UNC13A: variants seen among roughly 807,000 people sequenced by gnomAD.
The protein encoded by UNC13A is protein unc-13 homolog A.
In UNC13A, 61 loss-of-function variants were observed where a neutral mutation model predicts 219.7. The observed-to-expected ratio is 0.28, with a 90% CI of 0.23 to 0.34. UNC13A has a LOEUF of 0.34. Ranked by LOEUF, UNC13A falls within the 10% of genes least tolerant of loss-of-function variation. The probability of loss-of-function intolerance (pLI) is 1.00; values close to 1 mark genes in which losing one functional copy is unlikely to be tolerated. For synonymous variants in UNC13A, 920 were observed against 884.6 expected (o/e 1.04, Z -0.71); for missense variants, 1,476 against 2,270.3 (o/e 0.65, Z 7.11).
intron 7 of UNC13A, among the ~76,000 whole-genome samples, chr19:17,664,294 T>G (rs935573851): frequency 5.3e-5 from 8 of 152,248 alleles, no homozygotes; most frequent in African/African-American, 1.9e-4. Flanking sequence ...TTGGGTGGAT[T>G]TTATCATTCT....
Position 17,649,690 on chromosome 19 carries a change from GGGTCCCTC to G in UNC13A, c.1440-111_1440-104del. 1 of 1,314,826 alleles carries G rather than the reference GGGTCCCTC, an allele frequency of 7.6e-7. No individual in the cohort carries two copies. The highest frequency in any genetic ancestry group is 1.1e-6 in the Non-Finnish European group (1 of 920,288). The allele number at this position is 1,314,826 out of a possible 1,614,324, so 81.4% of individuals were successfully genotyped here. A position where few individuals can be genotyped will look rare whatever the true frequency, so the allele number is the denominator to read the frequency against. ...CCCCCAGGTGTTAAGGGGTTGAATT[GGGTCCCTC>G]AAAAAAAAGATACGCTGATGCCCTA... is the stretch of plus-strand genomic sequence containing the variant. On this transcript the variant is annotated intron_variant, in intron 12 of 43. Coordinates refer to ENST00000519716, the MANE Select transcript of UNC13A (RefSeq NM_001080421.3). This position sits in a 1 kb window ranked among gnomAD's most constrained non-coding sequence, Gnocchi z 4.4.
rs760850502 is a variant in UNC13A at position 17,658,273 on chromosome 19, GAAGA to G, written c.560-8_560-5del. The G allele has an allele frequency of 6.2e-7, 1 of 1,609,770 alleles. No homozygotes were observed. Among genetic ancestry groups the G allele is most frequent in the Middle Eastern group, 1.7e-4 (1 of 6,058 alleles). ...ACTGCACTGTCGGGGTCATCGTCTGGAAGAGAGAGGCGGTATGGGAAGAGGGTGA... is the reference window on the plus strand; with the variant it reads ...ACTGCACTGTCGGGGTCATCGTCTGGGAGAGGCGGTATGGGAAGAGGGTGA... On this transcript the variant is annotated splice_polypyrimidine_tract_variant and splice_region_variant and intron_variant, in intron 8 of 43. Coordinates refer to ENST00000519716, the MANE Select transcript of UNC13A (RefSeq NM_001080421.3).
intron 23 of UNC13A, 41 bp downstream of exon 23, chr19:17,639,797 CAT>C (rs1334715904): frequency 4.4e-6 from 7 of 1,601,444 alleles, no homozygotes; most frequent in Non-Finnish European, 6.0e-6. Context: ...CAGGCACACA[CAT>C]GTGCGTGGGG....
rs2076505726 is a variant in UNC13A at position 17,604,979 on chromosome 19, G to T, written c.*1075C>A. Reference sequence around the variant, plus strand: ...AAGGAAGAAGGGATGGAGAAACCTGGGACCAGGGGATCCCAAATTCTCTTT... The same window carrying T: ...AAGGAAGAAGGGATGGAGAAACCTGTGACCAGGGGATCCCAAATTCTCTTT... On this transcript the variant is annotated 3_prime_UTR_variant, in exon 44 of 44. Coordinates refer to ENST00000519716, the MANE Select transcript of UNC13A (RefSeq NM_001080421.3). The T allele has an allele frequency of 6.6e-6, 1 of 152,654 alleles. No homozygotes were observed. Among genetic ancestry groups the T allele is most frequent in the Non-Finnish European group, 1.5e-5 (1 of 68,050 alleles). The allele number at this position is 152,654 out of a possible 1,614,324, so 9.5% of individuals were successfully genotyped here. A position where few individuals can be genotyped will look rare whatever the true frequency, so the allele number is the denominator to read the frequency against.
At chr19:17,684,279 G>A (rs1401254282) in intron 1 of UNC13A, among the ~76,000 whole-genome samples, 2 of 152,058 alleles carry the variant, frequency 1.3e-5, no homozygotes, top group Non-Finnish European at 2.9e-5. Context: ...GTAAATGGTG[G>A]TGGTGGAATC....
intron 7 of UNC13A, among the ~76,000 whole-genome samples, chr19:17,664,007 A>G (rs146320904): frequency 1.1e-4 from 17 of 150,370 alleles, no homozygotes; most frequent in Admixed American, 2.0e-4. Flanking sequence ...TTGTGTGGAG[A>G]TGGATCTTGC....
chr19:17,675,967 G>C, intron 2 of UNC13A, 45 bp downstream of exon 2: 1 of 1,550,056 alleles, frequency 6.5e-7, no homozygotes, highest in Non-Finnish European at 8.7e-7. Flanking sequence ...GAGACAGACA[G>C]ACAGACAGAC....
intron 1 of UNC13A, among the ~76,000 whole-genome samples, chr19:17,677,357 CTT>C (rs993666999): frequency 1.5e-5 from 1 of 67,030 alleles, no homozygotes; most frequent in Non-Finnish European, 2.9e-5. Context: ...TCTTTCTTTT[CTT>C]TTTTTTTTTC....
In UNC13A at chr19:17,639,534, A is replaced by G; in HGVS notation, c.2857-9T>C. ...CTGGCTGGGAAGTTATTCTGTTGGG[A>G]GCAGGAAGAGATGTGGGGTTATGGA... On this transcript the variant is annotated splice_polypyrimidine_tract_variant and intron_variant, in intron 23 of 43. Coordinates refer to ENST00000519716, the MANE Select transcript of UNC13A (RefSeq NM_001080421.3). 1 of 1,611,752 alleles carries G rather than the reference A, an allele frequency of 6.2e-7. No homozygotes were observed. Among genetic ancestry groups the G allele is most frequent in the Non-Finnish European group, 8.5e-7 (1 of 1,179,386 alleles).
chr19:17,679,408 T>TATA (rs548278832), intron 1 of UNC13A, among the ~76,000 whole-genome samples: 4,812 of 149,398 alleles, frequency 0.032, 277 homozygotes, highest in African/African-American at 0.11. Context: ...TCAAAAAATA[T>TATA]ATAATAATAA....
At chr19:17,606,463 A>T (rs1001652102) in intron 43 of UNC13A, 109 bp from the exon 44 acceptor site, 35 of 1,375,042 alleles carry the variant, frequency 2.5e-5, no homozygotes, top group Non-Finnish European at 3.4e-5. Context: ...GGGTGCCCAC[A>T]CCTGTCACCT....
At chr19:17,628,344 C>A (rs867570984) in intron 31 of UNC13A, 33 of 210,812 alleles carry the variant, frequency 1.6e-4, no homozygotes, top group Admixed American at 4.3e-4. Flanking sequence ...ACACACGAGA[C>A]CCCCCCCACA....
At chr19:17,618,638 G>C in intron 39 of UNC13A, 137 bp from the exon 40 acceptor site, 1 of 898,050 alleles carries the variant, frequency 1.1e-6, no homozygotes, top group Non-Finnish European at 1.7e-6. Context: ...CACCCAATAT[G>C]TGACTGGTAC....
At chr19:17,679,819 CT>C (rs1482086058) in intron 1 of UNC13A, among the ~76,000 whole-genome samples, 1 of 152,074 alleles carries the variant, frequency 6.6e-6, no homozygotes, top group East Asian at 1.9e-4. Context: ...GTGCCCCTCC[CT>C]TGGTCAGTCC....
At chr19:17,642,759 G>A in intron 20 of UNC13A, 86 bp downstream of exon 20, 4 of 1,172,738 alleles carry the variant, frequency 3.4e-6, no homozygotes, top group Non-Finnish European at 4.9e-6. Flanking sequence ...GGAGAGTGTG[G>A]ATGGTGTGGC....
At position 17,673,357 on chromosome 19, in the gene UNC13A, CAAA is replaced by C. The variant is rs369463898; in HGVS notation, c.153-865_153-863del. On this transcript the variant is annotated intron_variant, in intron 3 of 43. Transcript: ENST00000519716. ...GGGCAACAAAAGCAAAACTCAGTCT[CAAA>C]AAAAAAAAAAAAAGTATATATATAT... Among the ~76,000 whole-genome samples the C allele has an allele frequency of 2.8e-3, 290 of 102,742 alleles. 1 individual carries two copies. The highest frequency in any genetic ancestry group is 9.8e-3 in the African/African-American group (277 of 28,190). The allele number at this position is 102,742 out of a possible 152,430, so 67.4% of individuals were successfully genotyped here.
At chr19:17,666,506 TG>T (rs2079649961) in intron 7 of UNC13A, 143 bp downstream of exon 7, 1 of 570,044 alleles carries the variant, frequency 1.8e-6, no homozygotes, top group African/African-American at 2.0e-5. Context: ...CTCAGAACGC[TG>T]ATTTCTAATA....
chr19:17,666,909 AGAAAGACAGAGAC>A (rs2079662254), intron 6 of UNC13A, among the ~76,000 whole-genome samples: 1 of 144,188 alleles, frequency 6.9e-6, no homozygotes, highest in Non-Finnish European at 1.5e-5. Context: ...AGAGAGAGAG[AGAAAGACAGAGAC>A]AGAGACAGAG....
chr19:17,682,119 A>AT (rs892828967), intron 1 of UNC13A, among the ~76,000 whole-genome samples: 21 of 151,834 alleles, frequency 1.4e-4, no homozygotes, highest in Non-Finnish European at 2.5e-4. Flanking sequence ...TACCCAGCTA[A>AT]TTTTTTTGTA....
Sources: gnomAD v4.1 joint callset for allele counts (sites outside exome capture counted in the v4.1 genomes callset) on GRCh38, gnomAD v4.1.1 for gene constraint, Gnocchi (gnomAD v3.1) non-coding constraint, MANE v1.5 for transcripts, NCBI Gene and HGNC (gene_info 2026-07-23, HGNC 2026-07-21) for gene names.